The following LRRC7 variants were observed in gnomAD, a reference collection of about 807,000 sequenced individuals.
The protein encoded by LRRC7 is leucine rich repeat containing 7, also known as leucine-rich repeat-containing protein 7.
Under a neutral mutation model 175.7 loss-of-function variants are expected in LRRC7, and 23 were observed. The ratio of observed to expected loss-of-function variants is 0.13; its 90% CI spans 0.09 to 0.19. The LOEUF (loss-of-function observed/expected upper bound fraction) is 0.19, where lower values mean the gene tolerates loss of function less well. Ranked by LOEUF, LRRC7 falls within the 10% of genes least tolerant of loss-of-function variation. LRRC7 has a pLI of 1.00. For synonymous variants in LRRC7, 685 were observed against 680.9 expected, an observed-to-expected ratio of 1.01 and a Z score of -0.09; for missense variants, 1,354 against 1,904.7, an observed-to-expected ratio of 0.71 and a Z score of 5.38.
At chr1:69,729,555 T>C (rs1231545141) in intron 2 of LRRC7, among the ~76,000 whole-genome samples, 1 of 152,226 alleles carries the variant, frequency 6.6e-6, no homozygotes, top group Non-Finnish European at 1.5e-5. Flanking sequence ...TTATCTTCTT[T>C]GACTCTATGT....
In LRRC7 at chr1:70,020,685, A is replaced by G. The variant is rs185504720; in HGVS notation, c.1421-320A>G. ...TGTTGTTGTAAGGATTGAAAAAGATAACGCTTTAAAATGCTTGGTCTAACT... is the reference window on the plus strand; with the variant it reads ...TGTTGTTGTAAGGATTGAAAAAGATGACGCTTTAAAATGCTTGGTCTAACT... On this transcript the variant is annotated intron_variant, in intron 15 of 26. Coordinates refer to ENST00000651989, the MANE Select transcript of LRRC7 (RefSeq NM_001370785.2). 5.0e-3 allele frequency: 812 copies of G among 162,524 alleles called. 9 individuals carry two copies. Among genetic ancestry groups the G allele is most frequent in the African/African-American group, 0.018 (756 of 41,674 alleles). 10.1% of individuals were successfully genotyped at this position (162,524 alleles called of 1,614,324 possible).
intron 8 of LRRC7, among the ~76,000 whole-genome samples, chr1:69,939,043 A>ATATC (rs1557911234): frequency 1.1e-4 from 7 of 64,884 alleles, no homozygotes; most frequent in African/African-American, 2.8e-4. Flanking sequence ...ATATATATCT[A>ATATC]TATCTATCTC....
intron 1 of LRRC7, among the ~76,000 whole-genome samples, chr1:69,671,132 G>T (rs1417109499): frequency 6.6e-6 from 1 of 152,156 alleles, no homozygotes; most frequent in Non-Finnish European, 1.5e-5. Context: ...CTCACGTGAA[G>T]CCAGCAAGTC....
intron 25 of LRRC7, among the ~76,000 whole-genome samples, chr1:70,105,976 G>A (rs1665117365): frequency 2.0e-5 from 3 of 152,016 alleles, no homozygotes; most frequent in Non-Finnish European, 4.4e-5. Flanking sequence ...TTTAGTTTGG[G>A]TCTGTTACCA....
At chr1:70,028,529 A>G (rs1466468452) in intron 18 of LRRC7, among the ~76,000 whole-genome samples, 158 bp downstream of exon 18, 1 of 152,198 alleles carries the variant, frequency 6.6e-6, no homozygotes, top group African/African-American at 2.4e-5. Flanking sequence ...GCATTTAATC[A>G]GTCATAGAAA....
At chr1:69,872,997 A>C (rs1418771836) in intron 7 of LRRC7, among the ~76,000 whole-genome samples, 1 of 152,164 alleles carries the variant, frequency 6.6e-6, no homozygotes, top group African/African-American at 2.4e-5. Context: ...ATTTTCAGAG[A>C]GTGTAGGGGA....
intron 7 of LRRC7, among the ~76,000 whole-genome samples, chr1:69,886,075 GA>G (rs1390686335): frequency 1.3e-5 from 2 of 150,420 alleles, no homozygotes; most frequent in South Asian, 2.1e-4. Flanking sequence ...GTGTGGTGCT[GA>G]AAAAAATGTA....
intron 1 of LRRC7, among the ~76,000 whole-genome samples, chr1:69,602,279 G>A (rs761061445): frequency 6.6e-5 from 10 of 152,030 alleles, no homozygotes; most frequent in South Asian, 2.1e-4. Context: ...GTCAACCGAC[G>A]GTATTAATGA....
At chr1:69,701,837 T>C (rs1338926408) in intron 2 of LRRC7, among the ~76,000 whole-genome samples, 1 of 152,206 alleles carries the variant, frequency 6.6e-6, no homozygotes, top group Non-Finnish European at 1.5e-5. Flanking sequence ...TTCAAATTAG[T>C]GCACAGAGGA....
Position 69,856,882 on chromosome 1 carries a change from G to A in LRRC7, c.647+18599G>A, listed in dbSNP as rs559157455. Among the ~76,000 whole-genome samples the A allele has an allele frequency of 4.6e-5, 7 of 152,152 alleles. No individual in the cohort carries two copies. In the East Asian group the frequency reaches 7.7e-4, roughly 17 times the overall value. ...ATCCTCAATAAAATACTGGCAAACC[G>A]AATCCAACAGCACATCAAAAAGCTT... On this transcript the variant is annotated intron_variant, in intron 7 of 26. Coordinates refer to ENST00000651989, the MANE Select transcript of LRRC7 (RefSeq NM_001370785.2).
At chr1:69,689,798 G>A (rs982575954) in intron 2 of LRRC7, among the ~76,000 whole-genome samples, 10 of 152,044 alleles carry the variant, frequency 6.6e-5, no homozygotes, top group Admixed American at 2.0e-4. Context: ...TTAATACCTC[G>A]GGTTCCAGTT....
chr1:69,800,422 C>T (rs1041776215), intron 4 of LRRC7, among the ~76,000 whole-genome samples: 13 of 151,822 alleles, frequency 8.6e-5, no homozygotes, highest in Admixed American at 2.6e-4. Flanking sequence ...TTTGTTTCAC[C>T]AGTGTATTGT....
At position 69,568,605 on chromosome 1, in the gene LRRC7, C is replaced by T. The variant is rs763661256; in HGVS notation, c.-35C>T. 1.5e-5 allele frequency: 20 copies of T among 1,350,388 alleles called. No individual in the cohort carries two copies. The highest frequency in any genetic ancestry group is 2.3e-5 in the South Asian group (2 of 85,124). The allele number at this position is 1,350,388 out of a possible 1,614,324, so 83.7% of individuals were successfully genotyped here. A position where few individuals can be genotyped will look rare whatever the true frequency, so the allele number is the denominator to read the frequency against. ...CCCTTGGCAGCTGCACGACTACGCT[C>T]TCCGAAACCTCATGGGCAGTTTCTC... On this transcript the variant is annotated 5_prime_UTR_variant, in exon 1 of 27. Transcript: ENST00000651989.
chr1:69,983,932 A>C (rs888267024), intron 9 of LRRC7, among the ~76,000 whole-genome samples: 2 of 151,234 alleles, frequency 1.3e-5, no homozygotes, highest in African/African-American at 4.9e-5. Context: ...CTGACATTAT[A>C]CTTTTTTTTT....
At position 70,143,063 on chromosome 1, in the gene LRRC7, A is replaced by AT. The variant is rs1558102072; in HGVS notation, c.*21177dup. On this transcript the variant is annotated 3_prime_UTR_variant, in exon 27 of 27. Coordinates refer to ENST00000651989, the MANE Select transcript of LRRC7 (RefSeq NM_001370785.2). ...TTTCCCATATGCCAAACACACACACATAAATTTTCTTTTTCTCATTTCAGC... is the reference window on the plus strand; with the variant it reads ...TTTCCCATATGCCAAACACACACACATTAAATTTTCTTTTTCTCATTTCAGC... 6.6e-6 allele frequency: 1 copy of AT among 152,154 alleles called. No homozygotes were observed. The highest frequency in any genetic ancestry group is 1.5e-5 in the Non-Finnish European group (1 of 68,004). The allele number at this position is 152,154 out of a possible 1,614,324, so 9.4% of individuals were successfully genotyped here. A position where few individuals can be genotyped will look rare whatever the true frequency, so the allele number is the denominator to read the frequency against.
rs532870521 is a variant in LRRC7 at position 69,926,004 on chromosome 1, T to C, written c.648-5503T>C. On this transcript the variant is annotated intron_variant, in intron 7 of 26. Coordinates refer to ENST00000651989, the MANE Select transcript of LRRC7 (RefSeq NM_001370785.2). ...CCAGAGATTCTGGTATGTTGTGTCT[T>C]TGTTCTCGTTAGTTTCAAAGAACAT... Among the ~76,000 whole-genome samples the C allele has an allele frequency of 4.0e-5, 6 of 151,834 alleles. No individual in the cohort carries two copies. The South Asian group carries it at 1.3e-3, about 32-fold the overall frequency.
At chr1:69,602,754 T>C (rs1159416708) in intron 1 of LRRC7, among the ~76,000 whole-genome samples, 2 of 152,178 alleles carry the variant, frequency 1.3e-5, no homozygotes, top group African/African-American at 4.8e-5. Context: ...GCTTACACAG[T>C]CATGGACCGT....
intron 1 of LRRC7, among the ~76,000 whole-genome samples, chr1:69,662,746 G>A (rs1214466372): frequency 9.2e-5 from 14 of 152,158 alleles, no homozygotes; most frequent in Non-Finnish European, 7.4e-5. Context: ...AGTTCAAATT[G>A]GATCTTTATA....
In LRRC7 at chr1:70,140,734, ATTC is replaced by A. The variant is rs1423908451; in HGVS notation, c.*18848_*18850del. On this transcript the variant is annotated 3_prime_UTR_variant, in exon 27 of 27. Transcript: ENST00000651989. ...CCAAACCAGGCTTGAGAAAAAAAGC[ATTC>A]AAGGGCCCTGCCCAGTATCTCTTTA... 7.2e-4 allele frequency: 110 copies of A among 152,296 alleles called. No homozygotes were observed. The highest frequency in any genetic ancestry group is 2.6e-3 in the African/African-American group (109 of 41,578). The allele number at this position is 152,296 out of a possible 1,614,324, so 9.4% of individuals were successfully genotyped here. A position where few individuals can be genotyped will look rare whatever the true frequency, so the allele number is the denominator to read the frequency against.
Sources: allele counts gnomAD v4.1 joint callset (sites outside exome capture counted in the v4.1 genomes callset), GRCh38; gene constraint gnomAD v4.1.1; transcripts MANE v1.5; gene names NCBI Gene and HGNC (gene_info 2026-07-23, HGNC 2026-07-21).